The following HMCN2 variants were observed in gnomAD, a reference collection of about 807,000 sequenced individuals.
HMCN2 encodes the protein hemicentin 2, also known as hemicentin-2.
In HMCN2, 325 loss-of-function variants were observed where a neutral mutation model predicts 377.5. The ratio of observed to expected loss-of-function variants is 0.86; its 90% confidence interval spans 0.79 to 0.94. HMCN2 has a LOEUF of 0.94. Among genes scored for constraint, HMCN2 ranks in the 40% least tolerant of loss-of-function variants. HMCN2 has a pLI of 0.00. For synonymous variants in HMCN2, 2,007 were observed against 2,046.8 expected, an observed-to-expected ratio of 0.98 and a Z score of 0.53; for missense variants, 4,543 against 4,725.3, an observed-to-expected ratio of 0.96 and a Z score of 1.13.
At chr9:130,377,078 C>G (rs1166495529) in intron 52 of HMCN2, among the ~76,000 whole-genome samples, 3 of 152,022 alleles carry the variant, frequency 2.0e-5, no homozygotes, top group African/African-American at 7.2e-5. Context: ...GGATTACAGG[C>G]ATGAGCCACC....
intron 23 of HMCN2, among the ~76,000 whole-genome samples, chr9:130,338,927 G>T (rs1838904166): frequency 6.6e-6 from 1 of 152,204 alleles, no homozygotes. Flanking sequence ...AGTGGCTCAT[G>T]CCTGTAATAC....
chr9:130,307,694 C>T, intron 14 of HMCN2, 128 bp downstream of exon 14: 1 of 424,016 alleles, frequency 2.4e-6, no homozygotes, highest in South Asian at 1.7e-5. Context: ...CGCCCTGACC[C>T]CCAGCCAGTG....
At position 130,428,477 on chromosome 9, in the gene HMCN2, G is replaced by T; in HGVS notation, c.14185G>T (p.Ala4729Ser). The T allele has an allele frequency of 6.5e-7, 1 of 1,541,340 alleles. No homozygotes were observed. Residue 4729 changes from alanine to serine, a missense_variant, in exon 93 of 98, where the codon GCC (alanine) becomes TCC (serine). By Grantham distance (99) the Ala-to-Ser change is moderately conservative. Transcript: ENST00000683500. The surrounding 1 kb of genome is among the most constrained non-coding windows in gnomAD (Gnocchi z 5.0). ...GCCTGGCTTCCGGGTGGCTGATGGG[G>T]CCGGCTGTGAAGGTGATGGGGGCAC... ...CGPGFRVADG[A>S]GCEDVDECLE...
At position 130,364,863 on chromosome 9, in the gene HMCN2, C is replaced by G; in HGVS notation, c.6382C>G (p.Leu2128Val). ...CCTGGAACCACGGCCTGGAGTCCAC[C>G]TCTCCGCAGACAAAGCCTTGCTGCA... ...RPLEPRPGVH[L>V]SADKALLQVD... Residue 2128 changes from leucine to valine, a missense_variant, in exon 41 of 98, where the codon CTC (leucine) becomes GTC (valine). Around this residue, in one of 5 missense-constraint regions of HMCN2, gnomAD observed 1,032 missense variants for 1,285.1 expected, o/e 0.80. Coordinates refer to ENST00000683500, the MANE Select transcript of HMCN2 (RefSeq NM_001291815.2). The G allele has an allele frequency of 1.0e-6, 1 of 986,002 alleles. No individual in the cohort carries two copies. Among genetic ancestry groups the G allele is most frequent in the Non-Finnish European group, 1.2e-6 (1 of 830,024 alleles). The allele number at this position is 986,002 out of a possible 1,614,324, so 61.1% of individuals were successfully genotyped here. A position where few individuals can be genotyped will look rare whatever the true frequency, so the allele number is the denominator to read the frequency against.
At chr9:130,379,125 C>G (rs1841560602) in intron 53 of HMCN2, 124 bp from the exon 54 acceptor site, 1 of 193,198 alleles carries the variant, frequency 5.2e-6, no homozygotes, top group African/African-American at 2.4e-5. Context: ...ATGCCCTGAC[C>G]CAAGGGAATG....
intron 44 of HMCN2, among the ~76,000 whole-genome samples, chr9:130,368,947 A>T (rs986525024): frequency 3.3e-5 from 5 of 152,118 alleles, no homozygotes; most frequent in African/African-American, 1.2e-4. Flanking sequence ...AAGCCATATC[A>T]CCTGGCATTT....
At chr9:130,344,388 T>C (rs1297930133) in intron 25 of HMCN2, among the ~76,000 whole-genome samples, 1 of 151,434 alleles carries the variant, frequency 6.6e-6, no homozygotes, top group African/African-American at 2.4e-5. Flanking sequence ...GTTTGGCATG[T>C]ATGTTGTATA....
intron 83 of HMCN2, among the ~76,000 whole-genome samples, chr9:130,408,016 G>T (rs1047645208): frequency 1.6e-4 from 24 of 152,202 alleles, no homozygotes; most frequent in Non-Finnish European, 4.4e-5. Flanking sequence ...ATGGTGCCAG[G>T]GTTGGAGGAG....
In HMCN2 at chr9:130,403,231, G is replaced by C; in HGVS notation, c.11916G>C (p.Arg3972=). The C allele has an allele frequency of 7.8e-7, 1 of 1,289,766 alleles. No homozygotes were observed. The highest frequency in any genetic ancestry group is 1.5e-5 in the African/African-American group (1 of 65,972). The allele number at this position is 1,289,766 out of a possible 1,614,324, so 79.9% of individuals were successfully genotyped here. A position where few individuals can be genotyped will look rare whatever the true frequency, so the allele number is the denominator to read the frequency against. ...TGAAGCCGCTGCCCAGCGTGGTTCG[G>C]GCAGTGGCAGAGGAGGAGGTGCTGC... ...PVVKPLPSVV[R]AVAEEEVLLP... The change falls in exon 79 of 98, where the codon CGG becomes CGC. Residue 3972 remains arginine (R), a synonymous_variant. Transcript: ENST00000683500.
rs745807935 is a variant in HMCN2, at chr9:130,418,838, G to A, written c.13028G>A (p.Arg4343Gln). The change falls in exon 86 of 98, where the codon CGG (arginine) becomes CAG (glutamine). Residue 4343 changes from arginine to glutamine, a missense_variant. By Grantham distance (43) the Arg-to-Gln change is conservative. This residue lies in a region of HMCN2 where 1,155 missense variants were observed against 1,157.7 expected (regional missense o/e 1.00). Transcript: ENST00000683500. ...AGATCTGGGGATGACGTGGCCCTGC[G>A]GTGCCAGGCCACTGGAGAGCCCACA... is the stretch of plus-strand genomic sequence containing the variant. ...TVRSGDDVAL[R>Q]CQATGEPTPT... 2.7e-5 allele frequency: 42 copies of A among 1,541,512 alleles called. 1 individual carries two copies. In the South Asian group the frequency reaches 3.0e-4, roughly 11 times the overall value.
intron 80 of HMCN2, among the ~76,000 whole-genome samples, chr9:130,404,446 C>T (rs748625548): frequency 6.6e-6 from 1 of 152,190 alleles, no homozygotes; most frequent in Non-Finnish European, 1.5e-5. Flanking sequence ...GGTCACCAGA[C>T]CAGCCAGACA....
At chr9:130,286,643 C>G (rs901678198) in intron 4 of HMCN2, among the ~76,000 whole-genome samples, 1 of 152,230 alleles carries the variant, frequency 6.6e-6, no homozygotes, top group Non-Finnish European at 1.5e-5. Flanking sequence ...TCCAGGCTGA[C>G]AAGGTGGCCC....
chr9:130,401,811 C>T lies in HMCN2; in HGVS notation c.11770+864C>T, dbSNP rs565223314. On this transcript the variant is annotated intron_variant, in intron 77 of 97. Transcript: ENST00000683500. ...CTTCCAGGCCAGGCGCAGGGACTCACGCCTGTAATTCCAGCACTTTGGGAG... is the reference window on the plus strand; with the variant it reads ...CTTCCAGGCCAGGCGCAGGGACTCATGCCTGTAATTCCAGCACTTTGGGAG... Among the ~76,000 whole-genome samples the T allele has an allele frequency of 1.0e-3, 156 of 152,234 alleles. 4 individuals carry two copies. The South Asian group carries it at 0.028, about 27-fold the overall frequency.
At chr9:130,273,913 A>G (rs1834537528) in intron 1 of HMCN2, among the ~76,000 whole-genome samples, 1 of 151,788 alleles carries the variant, frequency 6.6e-6, no homozygotes, top group Admixed American at 6.6e-5. Flanking sequence ...AAAAAAAAAT[A>G]AACTCAAAAA....
At chr9:130,375,046 C>G (rs1048008168) in intron 49 of HMCN2, among the ~76,000 whole-genome samples, 3 of 152,180 alleles carry the variant, frequency 2.0e-5, no homozygotes, top group African/African-American at 7.2e-5. Flanking sequence ...CAATACATAC[C>G]TACTATTCTG....
rs1554931840 is a variant in HMCN2, at chr9:130,295,726, AG to A, written c.847del (p.Val283SerfsTer2). On this transcript the variant is annotated frameshift_variant, in exon 6 of 98. Transcript: ENST00000683500. LOFTEE classifies it high-confidence loss of function. ...CTTCTCAACATCCCTGACTCGGCCA[AG>A]GTCGTAGCCTTTAAGCCTGAGCATC... ...NVLLNIPDSAKVVAFKPEHPG... is the reference protein window; with the variant it reads ...NVLLNIPDSAXVVAFKPEHPG... The A allele has an allele frequency of 2.1e-6, 1 of 470,986 alleles. No homozygotes were observed. Among genetic ancestry groups the A allele is most frequent in the Non-Finnish European group, 4.4e-6 (1 of 227,020 alleles). The allele number at this position is 470,986 out of a possible 1,614,324, so 29.2% of individuals were successfully genotyped here.
chr9:130,425,180 A>T (rs962581387), intron 89 of HMCN2, 50 bp downstream of exon 89: 99 of 1,484,890 alleles, frequency 6.7e-5, no homozygotes, highest in Non-Finnish European at 8.9e-5. Flanking sequence ...GAGAGAGACG[A>T]AGGTGCCCGG....
intron 29 of HMCN2, among the ~76,000 whole-genome samples, chr9:130,350,414 A>G (rs1323613182): frequency 7.0e-6 from 1 of 142,238 alleles, no homozygotes; most frequent in Non-Finnish European, 1.5e-5. Context: ...AGAAATAGCC[A>G]GGCATGGTGG....
At chr9:130,345,246 G>T (rs1839316799) in intron 25 of HMCN2, among the ~76,000 whole-genome samples, 1 of 149,278 alleles carries the variant, frequency 6.7e-6, no homozygotes, top group East Asian at 2.0e-4. Context: ...TATGTTGTGT[G>T]TGGTATGTGT....
Sources: gnomAD v4.1 joint callset for allele counts (sites outside exome capture counted in the v4.1 genomes callset) on GRCh38, gnomAD v4.1.1 for gene constraint, gnomAD v4.1.1 regional missense constraint, Gnocchi (gnomAD v3.1) non-coding constraint, MANE v1.5 for transcripts, NCBI Gene and HGNC (gene_info 2026-07-23, HGNC 2026-07-21) for gene names.